NCOR1: variants seen among roughly 807,000 people sequenced by gnomAD.
NCOR1 encodes the protein protein phosphatase 1, regulatory subunit 109.
A neutral mutation model predicts 288.1 loss-of-function variants in NCOR1; 63 were observed. That is an observed-to-expected ratio of 0.22 (90% CI 0.18 to 0.27). The LOEUF (loss-of-function observed/expected upper bound fraction) is 0.27, where lower values mean the gene tolerates loss of function less well. Ranked by LOEUF, NCOR1 falls within the 10% of genes least tolerant of loss-of-function variation. NCOR1 has a pLI of 1.00. For synonymous variants in NCOR1, 1,007 were observed against 1,065.9 expected (o/e 0.94, Z 1.08); for missense variants, 2,397 against 3,019.2 (o/e 0.79, Z 4.83).
At chr17:16,179,970 A>C (rs2085053267) in intron 3 of NCOR1, among the ~76,000 whole-genome samples, 2 of 151,580 alleles carry the variant, frequency 1.3e-5, no homozygotes, top group Non-Finnish European at 2.9e-5. Context: ...AAAAAAAAAA[A>C]AAAAAAAAAC....
At chr17:16,066,613 A>G (rs2061153782) in intron 32 of NCOR1, among the ~76,000 whole-genome samples, 1 of 152,216 alleles carries the variant, frequency 6.6e-6, no homozygotes, top group African/African-American at 2.4e-5. Context: ...AAAAACAAGT[A>G]ACATGTTTTC....
intron 1 of NCOR1, among the ~76,000 whole-genome samples, chr17:16,210,697 C>G (rs1417720921): frequency 6.6e-6 from 1 of 151,754 alleles, no homozygotes; most frequent in African/African-American, 2.4e-5. Flanking sequence ...AGCTAAATAT[C>G]CAAAGTAATC....
At chr17:16,167,109 A>T (rs1180055688) in intron 4 of NCOR1, among the ~76,000 whole-genome samples, 1 of 152,220 alleles carries the variant, frequency 6.6e-6, no homozygotes, top group Non-Finnish European at 1.5e-5. Flanking sequence ...AGCAAAAGAG[A>T]TTATATTTTG....
chr17:16,159,758 ATTACC>A (rs2080444324), intron 5 of NCOR1, among the ~76,000 whole-genome samples: 1 of 151,782 alleles, frequency 6.6e-6, no homozygotes, highest in Admixed American at 6.6e-5. Context: ...AGCTAACTGT[ATTACC>A]GTGCCTGGGT....
At chr17:16,198,835 C>T (rs1429975448) in intron 1 of NCOR1, 1 of 152,054 alleles carries the variant, frequency 6.6e-6, no homozygotes, top group African/African-American at 2.4e-5. Flanking sequence ...TTATCTATCT[C>T]TGCACTCTCC....
chr17:16,121,190 G>A lies in NCOR1; in HGVS notation c.1714C>T (p.Arg572Ter). The A allele has an allele frequency of 6.2e-7, 1 of 1,613,976 alleles. No homozygotes were observed. The highest frequency in any genetic ancestry group is 8.5e-7 in the Non-Finnish European group (1 of 1,180,014). The change falls in exon 16 of 46, where the codon CGA (arginine) becomes TGA (stop). Residue 572 changes from arginine (R) to a stop codon, truncating the protein, a stop_gained. Transcript: ENST00000268712. LOFTEE classifies it high-confidence loss of function. ...EEREQATPRG[R>*]KTANSQGRRK... ...CGGCCCTGACTGTTGGCAGTCTTTC[G>A]CCCCCGGGGTGTGGCTTGCTCTCTT...
intron 19 of NCOR1, among the ~76,000 whole-genome samples, chr17:16,106,881 ATATTTTTTTTT>A (rs1310787953): frequency 6.7e-5 from 3 of 44,678 alleles, no homozygotes; most frequent in East Asian, 6.1e-4. Flanking sequence ...ATATATATAT[ATATTTTTTTTT>A]TTTTTTTTTT....
intron 15 of NCOR1, among the ~76,000 whole-genome samples, chr17:16,125,685 G>C (rs2073897998): frequency 1.6e-5 from 2 of 126,684 alleles, no homozygotes; most frequent in South Asian, 2.5e-4. Flanking sequence ...CTGGGCAACA[G>C]AGCGAGACGC....
At chr17:16,173,055 C>T (rs1233852915) in intron 3 of NCOR1, among the ~76,000 whole-genome samples, 1 of 152,062 alleles carries the variant, frequency 6.6e-6, no homozygotes, top group East Asian at 1.9e-4. Flanking sequence ...CTCAGCCTCC[C>T]CGGTAGCTGG....
At position 16,127,277 on chromosome 17, in the gene NCOR1, A is replaced by ATATACGTGTATATATGTATGTATG. The variant is rs2074363522; in HGVS notation, c.1510-1095_1510-1072dup. ...TATGTGTGTGTATATATGTATGTAT[A>ATATACGTGTATATATGTATGTATG]TATACGTGTATATATGTATGTATGT... On this transcript the variant is annotated intron_variant, in intron 14 of 45. Transcript: ENST00000268712. Among the ~76,000 whole-genome samples the ATATACGTGTATATATGTATGTATG allele has an allele frequency of 5.1e-5, 5 of 98,058 alleles. 2 individuals are homozygous for ATATACGTGTATATATGTATGTATG. Among genetic ancestry groups the ATATACGTGTATATATGTATGTATG allele is most frequent in the Admixed American group, 3.0e-4 (3 of 9,980 alleles). 64.3% of individuals were successfully genotyped at this position (98,058 alleles called of 152,430 possible).
At chr17:16,090,828 G>A (rs1381305672) in intron 22 of NCOR1, among the ~76,000 whole-genome samples, 2 of 152,140 alleles carry the variant, frequency 1.3e-5, no homozygotes, top group Admixed American at 6.5e-5. Flanking sequence ...AAGTACCACA[G>A]TTCCTATTTT....
chr17:16,136,038 C>CGCA (rs2076349461), intron 14 of NCOR1, among the ~76,000 whole-genome samples: 1 of 152,176 alleles, frequency 6.6e-6, no homozygotes, highest in Admixed American at 6.5e-5. Flanking sequence ...GTGGCAGTAG[C>CGCA]GCAGCAGTCT....
chr17:16,069,013 C>T (rs2061442745), intron 31 of NCOR1, among the ~76,000 whole-genome samples: 1 of 152,084 alleles, frequency 6.6e-6, no homozygotes, highest in Non-Finnish European at 1.5e-5. Flanking sequence ...CTGCACCCAG[C>T]CACCCTCAAT....
intron 40 of NCOR1, among the ~76,000 whole-genome samples, chr17:16,049,766 T>C (rs1322747432): frequency 1.3e-5 from 2 of 152,160 alleles, no homozygotes; most frequent in African/African-American, 4.8e-5. Flanking sequence ...TTTGTATTTT[T>C]AGTAGAGACG....
At chr17:16,048,494 C>G (rs574956391) in intron 41 of NCOR1, among the ~76,000 whole-genome samples, 19 of 152,130 alleles carry the variant, frequency 1.2e-4, no homozygotes, top group Middle Eastern at 3.4e-3. Context: ...AAGATTAAAT[C>G]TATTCAGAGT....
At chr17:16,154,613 T>C (rs1422184759) in intron 6 of NCOR1, among the ~76,000 whole-genome samples, 1 of 152,078 alleles carries the variant, frequency 6.6e-6, no homozygotes, top group African/African-American at 2.4e-5. Flanking sequence ...CCTCTTCTGG[T>C]GGGATATTAC....
intron 1 of NCOR1, among the ~76,000 whole-genome samples, chr17:16,214,685 T>A (rs556244409): frequency 2.0e-5 from 3 of 152,316 alleles, no homozygotes; most frequent in African/African-American, 7.2e-5. Flanking sequence ...ATCCAGTTAA[T>A]TTGAAGAATT....
intron 2 of NCOR1, among the ~76,000 whole-genome samples, chr17:16,192,978 A>G (rs1202200353): frequency 6.6e-6 from 1 of 152,180 alleles, no homozygotes; most frequent in East Asian, 1.9e-4. Context: ...ACAATGTATT[A>G]TGATAGAAAG....
At chr17:16,152,826 A>C (rs554166620) in intron 7 of NCOR1, among the ~76,000 whole-genome samples, 3 of 152,020 alleles carry the variant, frequency 2.0e-5, no homozygotes, top group Non-Finnish European at 4.4e-5. Flanking sequence ...TTGTTTCCTG[A>C]CTTTTTAATG....
Sources: gnomAD v4.1 joint callset for allele counts (sites outside exome capture counted in the v4.1 genomes callset) on GRCh38, gnomAD v4.1.1 for gene constraint, MANE v1.5 for transcripts, NCBI Gene and HGNC (gene_info 2026-07-23, HGNC 2026-07-21) for gene names.